Variants in EPRS1 observed in about 807,000 individuals in gnomAD.
The protein encoded by EPRS1 is bifunctional glutamate/proline--tRNA ligase.
A neutral mutation model predicts 188.3 loss-of-function variants in EPRS1; 107 were observed. That is an observed-to-expected ratio of 0.57 (90% CI 0.49 to 0.67). The LOEUF (loss-of-function observed/expected upper bound fraction) is 0.67. Among genes scored for constraint, EPRS1 ranks in the 30% least tolerant of loss-of-function variants. The pLI is 0.00. For synonymous variants in EPRS1, 596 were observed against 593.1 expected, an observed-to-expected ratio of 1.00 and a Z score of -0.07; for missense variants, 1,577 against 1,802.2, an observed-to-expected ratio of 0.88 and a Z score of 2.26.
chr1:220,037,571 T>C (rs1355649685), intron 2 of EPRS1, among the ~76,000 whole-genome samples: 1 of 147,878 alleles, frequency 6.8e-6, no homozygotes, highest in Non-Finnish European at 1.5e-5. Context: ...AATAAAGGAC[T>C]AATCCCAACA....
At chr1:219,996,077 TGAG>T (rs904926572) in intron 18 of EPRS1, among the ~76,000 whole-genome samples, 4 of 152,328 alleles carry the variant, frequency 2.6e-5, no homozygotes, top group African/African-American at 4.8e-5. Context: ...TGCTGCTGTT[TGAG>T]GAGAACTACA....
chr1:219,971,616 T>C (rs756977232), intron 30 of EPRS1, among the ~76,000 whole-genome samples: 2 of 151,588 alleles, frequency 1.3e-5, no homozygotes, highest in Non-Finnish European at 2.9e-5. Flanking sequence ...GAAACTGAAA[T>C]AACACAGATT....
rs765112087 is a variant in EPRS1 at position 219,984,106 on chromosome 1, CATT to C, written c.3090+97_3090+99del. 3.9e-4 allele frequency: 317 copies of C among 809,424 alleles called. 1 individual carries two copies. Among genetic ancestry groups the C allele is most frequent in the Non-Finnish European group, 5.6e-4 (260 of 460,730 alleles). The allele number at this position is 809,424 out of a possible 1,614,324, so 50.1% of individuals were successfully genotyped here. A position where few individuals can be genotyped will look rare whatever the true frequency, so the allele number is the denominator to read the frequency against. On this transcript the variant is annotated intron_variant, in intron 21 of 31. Transcript: ENST00000366923. ...GTGTATTATTAAAGGCATTATACAA[CATT>C]ATTACTATTGCCTTTGTGCCCATAT...
intron 29 of EPRS1, among the ~76,000 whole-genome samples, chr1:219,972,566 T>C (rs1660689838): frequency 6.6e-6 from 1 of 152,160 alleles, no homozygotes; most frequent in African/African-American, 2.4e-5. Context: ...GGCATTACCC[T>C]CTCCCAAACT....
At chr1:219,996,283 T>C (rs1163257760) in intron 18 of EPRS1, among the ~76,000 whole-genome samples, 2 of 152,236 alleles carry the variant, frequency 1.3e-5, no homozygotes, top group Non-Finnish European at 2.9e-5. Flanking sequence ...AAGGCTCTGC[T>C]ATGAAAAGCT....
chr1:219,982,689 C>T (rs1571658580), intron 23 of EPRS1, 83 bp downstream of exon 23: 4 of 1,088,306 alleles, frequency 3.7e-6, no homozygotes. Context: ...ATAGCTATCA[C>T]AAAGCAAAAG....
Position 220,034,956 on chromosome 1 carries a change from A to T in EPRS1, c.189T>A (p.Thr63=), listed in dbSNP as rs368840035. The T allele has an allele frequency of 2.5e-5, 40 of 1,604,692 alleles. No individual in the cohort carries two copies. The highest frequency in any genetic ancestry group is 2.5e-4 in the East Asian group (11 of 44,758). ...SILRYLARVA[T]TAGLYGSNLM... is the part of the protein sequence containing the mutation. ...GATTAGAGCCATATAACCCAGCTGT[A>T]GTTGCAACTCTAGCCAAGTAGCGAA... The change falls in exon 3 of 32, where the codon ACT becomes ACA. Residue 63 remains threonine (T), a synonymous_variant. Transcript: ENST00000366923.
chr1:220,033,736 GT>G, intron 3 of EPRS1, 78 bp from the exon 4 acceptor site: 4 of 1,005,506 alleles, frequency 4.0e-6, no homozygotes, highest in Non-Finnish European at 6.2e-6. Context: ...AAAAATTCTA[GT>G]TAACTAGAGC....
In EPRS1 at chr1:219,976,284, G is replaced by C. The variant is rs556508220; in HGVS notation, c.4083+2262C>G. 2.3e-3 allele frequency among the ~76,000 whole-genome samples: 346 copies of C among 152,248 alleles called. 2 individuals are homozygous for C. Among genetic ancestry groups the C allele is most frequent in the African/African-American group, 7.3e-3 (305 of 41,556 alleles). On this transcript the variant is annotated intron_variant, in intron 28 of 31. Coordinates refer to ENST00000366923, the MANE Select transcript of EPRS1 (RefSeq NM_004446.3). ...CTGTGTCAAGATCACGATAATCAAA[G>C]AAAACCTGAGAAATTACTGCAGACT...
chr1:219,985,043 T>TCAAAA (rs1660979369), intron 20 of EPRS1, among the ~76,000 whole-genome samples: 1 of 124,528 alleles, frequency 8.0e-6, no homozygotes, highest in African/African-American at 3.5e-5. Flanking sequence ...AAACTCCGTC[T>TCAAAA]CAAAAGAAAA....
At chr1:220,000,794 A>T (rs1661335577) in intron 17 of EPRS1, among the ~76,000 whole-genome samples, 1 of 152,198 alleles carries the variant, frequency 6.6e-6, no homozygotes, top group Non-Finnish European at 1.5e-5. Context: ...CAGCCAGGCC[A>T]ACATGGCAAA....
At chr1:219,983,012 T>G (rs1380922355) in intron 22 of EPRS1, among the ~76,000 whole-genome samples, 168 bp from the exon 23 acceptor site, 1 of 152,222 alleles carries the variant, frequency 6.6e-6, no homozygotes, top group Non-Finnish European at 1.5e-5. Flanking sequence ...ACTGACCTTC[T>G]AAATATTAAA....
intron 2 of EPRS1, among the ~76,000 whole-genome samples, chr1:220,036,040 A>C (rs1311978052): frequency 6.6e-6 from 1 of 152,104 alleles, no homozygotes; most frequent in African/African-American, 2.4e-5. Flanking sequence ...TCTCTTCTAC[A>C]AATATAAAAA....
chr1:220,033,490 A>G lies in EPRS1; in HGVS notation c.388+12T>C, dbSNP rs1365802880. On this transcript the variant is annotated intron_variant, in intron 4 of 31. Transcript: ENST00000366923. ...ACGATTAAAACAGAGGATTATTAAG[A>G]ATTATTGATACCTTTTAGGGTGGCC... 6.4e-7 allele frequency: 1 copy of G among 1,570,738 alleles called. No homozygotes were observed. Among genetic ancestry groups the G allele is most frequent in the African/African-American group, 1.4e-5 (1 of 72,626 alleles).
intron 1 of EPRS1, among the ~76,000 whole-genome samples, chr1:220,043,887 G>T (rs1007998952): frequency 4.6e-5 from 7 of 152,172 alleles, no homozygotes; most frequent in African/African-American, 1.7e-4. Context: ...ACGGGATTTT[G>T]ATCTCAACAC....
rs1661093501 is a variant in EPRS1 at position 219,990,219 on chromosome 1, T to C, written c.2542-1396A>G. Among the ~76,000 whole-genome samples the C allele has an allele frequency of 1.3e-5, 2 of 151,984 alleles. 1 individual carries two copies. Among genetic ancestry groups the C allele is most frequent in the South Asian group, 4.1e-4 (2 of 4,828 alleles). On this transcript the variant is annotated intron_variant, in intron 18 of 31. Coordinates refer to ENST00000366923, the MANE Select transcript of EPRS1 (RefSeq NM_004446.3). ...CAAACCACTCTGTTATTCAATGAGA[T>C]ACTCTTAATAAAGCTATGTATTCAT...
chr1:220,045,404 T>C (rs12057468), intron 1 of EPRS1, among the ~76,000 whole-genome samples: 22,927 of 151,880 alleles, frequency 0.15, 2,956 homozygotes, highest in East Asian at 0.33. Flanking sequence ...CTAAGGAGGC[T>C]GAGGTGGGAG....
intron 5 of EPRS1, among the ~76,000 whole-genome samples, chr1:220,031,681 C>T (rs1662086343): frequency 6.6e-6 from 1 of 152,170 alleles, no homozygotes; most frequent in Non-Finnish European, 1.5e-5. Flanking sequence ...AGTGGAGCAA[C>T]TCTGGTAGAG....
chr1:219,978,516 G>A, intron 28 of EPRS1, 30 bp downstream of exon 28: 1 of 1,498,000 alleles, frequency 6.7e-7, no homozygotes, highest in Non-Finnish European at 9.0e-7. Flanking sequence ...TGCAGATGTT[G>A]GGGGTAAAAG....
Sources: gnomAD v4.1 joint callset for allele counts (sites outside exome capture counted in the v4.1 genomes callset) on GRCh38, gnomAD v4.1.1 for gene constraint, MANE v1.5 for transcripts, NCBI Gene and HGNC (gene_info 2026-07-23, HGNC 2026-07-21) for gene names.